The following OBSL1 variants were observed in gnomAD, a reference collection of about 807,000 sequenced individuals.
The protein encoded by OBSL1 is obscurin like cytoskeletal adaptor 1.
In OBSL1, 160 loss-of-function variants were observed where a neutral mutation model predicts 172.0. The ratio of observed to expected loss-of-function variants is 0.93; its 90% CI spans 0.82 to 1.06. OBSL1 has a LOEUF of 1.06. Ranked by LOEUF, OBSL1 falls within the 50% of genes least tolerant of loss-of-function variation. The pLI, the probability that OBSL1 is intolerant of heterozygous loss-of-function variation, is 0.00. For synonymous variants in OBSL1, 1,200 were observed against 1,196.3 expected, an observed-to-expected ratio of 1.00 and a Z score of -0.06; for missense variants, 2,681 against 2,715.4, an observed-to-expected ratio of 0.99 and a Z score of 0.28.
chr2:219,554,716 G>T lies in OBSL1; in HGVS notation c.4634C>A (p.Pro1545His). ...VRPRQLRVLR[P>H]LEDVTISEGG... ...CTCACTGATGGTCACGTCCTCCAGA[G>T]GCCGCAGCACCCTCAGCTGCCTCGC... Residue 1545 changes from proline to histidine, a missense_variant, in exon 15 of 21, where the codon CCT becomes CAT. Around this residue, in one of 5 missense-constraint regions of OBSL1, gnomAD observed 1,765 missense variants for 1,748.3 expected, o/e 1.01. Transcript: ENST00000404537. 1 of 1,565,400 alleles carries T rather than the reference G, an allele frequency of 6.4e-7. No homozygotes were observed. The highest frequency in any genetic ancestry group is 2.4e-5 in the East Asian group (1 of 41,970).
rs1559140960 is a variant in OBSL1, at chr2:219,558,194, G to A, written c.3492C>T (p.Val1164=). 10 of 1,606,762 alleles carry A rather than the reference G, an allele frequency of 6.2e-6. No individual in the cohort carries two copies. Among genetic ancestry groups the A allele is most frequent in the Non-Finnish European group, 8.5e-6 (10 of 1,174,348 alleles). ...GCCAGGAGCACCCACCAGCCAGGAT[G>A]ACATTGAAGGTGATGGCCTCATGCC... ...ETRHEAITFN[V]ILAEPPVQFL... Residue 1164 remains valine (V), a synonymous_variant, in exon 10 of 21, where the codon GTC becomes GTT. Transcript: ENST00000404537.
downstream of OBSL1, chr2:219,547,935 G>A (rs777938940): frequency 5.6e-6 from 9 of 1,594,452 alleles, no homozygotes; most frequent in Admixed American, 8.5e-5. Context: ...CTGCTGGGGC[G>A]CTACGTGGTG....
rs952808254 is a variant in OBSL1, at chr2:219,561,946, G to A, written c.2953+456C>T. On this transcript the variant is annotated intron_variant, in intron 8 of 20. Coordinates refer to ENST00000404537, the MANE Select transcript of OBSL1 (RefSeq NM_015311.3). Reference sequence around the variant, plus strand: ...CGGGACCAGAGCCGCCGGGTCTTCGGCTTTTTCAAGAGGACGCATAACTCC... The same window carrying A: ...CGGGACCAGAGCCGCCGGGTCTTCGACTTTTTCAAGAGGACGCATAACTCC... 10 of 717,548 alleles carry A rather than the reference G, an allele frequency of 1.4e-5. No homozygotes were observed. In the African/African-American group the frequency reaches 1.7e-4, roughly 13 times the overall value. The allele number at this position is 717,548 out of a possible 1,614,324, so 44.4% of individuals were successfully genotyped here. A position where few individuals can be genotyped will look rare whatever the true frequency, so the allele number is the denominator to read the frequency against.
Position 219,567,305 on chromosome 2 carries a change from G to A in OBSL1, c.1805C>T (p.Pro602Leu), listed in dbSNP as rs1366384275. ...ICTVSGHGRS[P>L]HVVFHGSAHL... The stretch of plus-strand genomic sequence containing the variant: ...AGCAGAACCGTGGAACACCACGTGG[G>A]GACTACGGCCATGTCCGCTGACTGT... The change falls in exon 4 of 21, where the codon CCC becomes CTC. Residue 602 changes from proline (P) to leucine (L), a missense_variant. Transcript: ENST00000404537. 13 of 1,602,670 alleles carry A rather than the reference G, an allele frequency of 8.1e-6. No homozygotes were observed. Among genetic ancestry groups the A allele is most frequent in the Non-Finnish European group, 1.1e-5 (13 of 1,171,234 alleles).
At chr2:219,566,755 C>A in intron 5 of OBSL1, 75 bp downstream of exon 5, 2 of 1,434,536 alleles carry the variant, frequency 1.4e-6, no homozygotes, top group Non-Finnish European at 1.9e-6. Context: ...ATAAAAACAG[C>A]ATCTGCCTCG....
intron 1 of OBSL1, among the ~76,000 whole-genome samples, chr2:219,569,629 C>T (rs923129608): frequency 6.6e-6 from 1 of 152,216 alleles, no homozygotes; most frequent in Non-Finnish European, 1.5e-5. Context: ...GACATTTGTC[C>T]TCCCTCAAGT....
intron 14 of OBSL1, among the ~76,000 whole-genome samples, chr2:219,554,962 G>A (rs1303544296): frequency 6.6e-6 from 1 of 152,156 alleles, no homozygotes. Context: ...CAGGAAGGGG[G>A]AGAAGTGTGG....
chr2:219,557,989 G>T lies in OBSL1; in HGVS notation c.3624C>A (p.His1208Gln). The change falls in exon 11 of 21, where the codon CAC becomes CAA. Residue 1208 changes from histidine (H) to glutamine (Q), a missense_variant. By Grantham distance (24) the His-to-Gln change is conservative. This residue lies in a region of OBSL1 where 1,765 missense variants were observed against 1,748.3 expected (regional missense o/e 1.01). Coordinates refer to ENST00000404537, the MANE Select transcript of OBSL1 (RefSeq NM_015311.3). The stretch of plus-strand genomic sequence containing the variant: ...CGCCCTCCTGCACGGGCCTCCCATT[G>T]TGGCTCCAGACCACGGGGGCGCCAG... ...SRAGAPVVWS[H>Q]NGRPVQEGEG... 1 of 1,611,650 alleles carries T rather than the reference G, an allele frequency of 6.2e-7. No individual in the cohort carries two copies.
intron 19 of OBSL1, 100 bp downstream of exon 19, chr2:219,552,012 A>C: frequency 8.3e-7 from 1 of 1,212,078 alleles, no homozygotes; most frequent in Non-Finnish European, 1.2e-6. Context: ...GGGGAAGGGA[A>C]GAGAGAGGCA....
At chr2:219,547,481 C>T (rs2105994110), downstream of OBSL1, 6 of 1,397,092 alleles carry the variant, frequency 4.3e-6, no homozygotes, top group Non-Finnish European at 5.6e-6. Flanking sequence ...ATCTTGGCCC[C>T]TCACTAGCCC....
Position 219,570,746 on chromosome 2 carries a change from T to A in OBSL1, c.487A>T (p.Lys163Ter). ...ACTTCGTCCAGGGCCATCCCGTCCT[T>A]CTCCCAGTACAGTGTGGGCTCGGGG... is the stretch of plus-strand genomic sequence containing the variant. The part of the protein sequence containing the change: ...GLPEPTLYWE[K>*]DGMALDEVWD... The change falls in exon 1 of 21, where the codon AAG becomes TAG. Residue 163 changes from lysine to a stop codon, truncating the protein, a stop_gained. Transcript: ENST00000404537. LOFTEE classifies it high-confidence loss of function. 6.6e-7 allele frequency: 1 copy of A among 1,510,448 alleles called. No homozygotes were observed. The highest frequency in any genetic ancestry group is 1.2e-5 in the South Asian group (1 of 81,038). 93.6% of individuals were successfully genotyped at this position (1,510,448 alleles called of 1,614,324 possible).
intron 6 of OBSL1, 104 bp from the exon 7 acceptor site, chr2:219,563,731 G>A: frequency 7.8e-7 from 1 of 1,274,168 alleles, no homozygotes; most frequent in African/African-American, 1.5e-5. Flanking sequence ...GGACACTGGA[G>A]GAGGGCTAAG....
At position 219,566,860 on chromosome 2, in the gene OBSL1, C is replaced by G; in HGVS notation, c.2104G>C (p.Val702Leu). Residue 702 changes from valine to leucine, a missense_variant, in exon 5 of 21, where the codon GTG becomes CTG. Transcript: ENST00000404537. Reference protein sequence around the residue: ...GALVGFSCPGVQDSAALTIQE... With the variant: ...GALVGFSCPGLQDSAALTIQE... Reference sequence around the variant, plus strand: ...ATTGTGAGGGCAGCTGAGTCCTGCACGCCGGGGCAGCTGAAGCCGACCAGG... The same window carrying G: ...ATTGTGAGGGCAGCTGAGTCCTGCAGGCCGGGGCAGCTGAAGCCGACCAGG... 1 of 1,597,242 alleles carries G rather than the reference C, an allele frequency of 6.3e-7. No individual in the cohort carries two copies. Among genetic ancestry groups the G allele is most frequent in the East Asian group, 2.2e-5 (1 of 44,462 alleles).
At chr2:219,555,382 C>T (rs1695923424) in intron 14 of OBSL1, 1 of 154,008 alleles carries the variant, frequency 6.5e-6, no homozygotes, top group Admixed American at 6.5e-5. Flanking sequence ...ACTATAGCCT[C>T]AACCTCCTGG....
At position 219,557,893 on chromosome 2, in the gene OBSL1, T is replaced by C. The variant is rs1034447724; in HGVS notation, c.3720A>G (p.Ala1240=). Residue 1240 remains alanine (A), a synonymous_variant, in exon 11 of 21, where the codon GCA becomes GCG. Transcript: ENST00000404537. ...LCIQAAGPAH[A]GLYTCQSGAA... is the part of the protein sequence containing the mutation. The stretch of plus-strand genomic sequence containing the variant: ...CTCCAGACTGGCAGGTGTAGAGCCC[T>C]GCATGGGCTGGGCCTGCAGCCTGGA... 2.5e-6 allele frequency: 4 copies of C among 1,601,758 alleles called. No individual in the cohort carries two copies. The Admixed American group carries it at 5.0e-5, about 20-fold the overall frequency.
Position 219,557,444 on chromosome 2 carries a change from GCC to G in OBSL1, c.3963_3964del (p.Ala1322GlnfsTer54). The G allele has an allele frequency of 6.5e-7, 1 of 1,548,424 alleles. No individual in the cohort carries two copies. The highest frequency in any genetic ancestry group is 8.7e-7 in the Non-Finnish European group (1 of 1,147,082). ...CCCCTGCACCCGCAGCACCTGCCTGGCCCCGGCCTGCTCCAGCTGCACCCGCC... is the reference window on the plus strand; with the variant it reads ...CCCCTGCACCCGCAGCACCTGCCTGGCCGGCCTGCTCCAGCTGCACCCGCC... On this transcript the variant is annotated frameshift_variant, in exon 12 of 21. Transcript: ENST00000404537. LOFTEE classifies it high-confidence loss of function.
At chr2:219,553,051 G>A in intron 16 of OBSL1, 27 bp from the exon 17 acceptor site, 1 of 1,458,308 alleles carries the variant, frequency 6.9e-7, no homozygotes, top group South Asian at 1.4e-5. Context: ...CAGAGGGTCG[G>A]GGCGAGCCCG....
chr2:219,563,355 C>T lies in OBSL1; in HGVS notation c.2680G>A (p.Asp894Asn). 2 of 1,562,442 alleles carry T rather than the reference C, an allele frequency of 1.3e-6. No homozygotes were observed. Among genetic ancestry groups the T allele is most frequent in the Non-Finnish European group, 1.7e-6 (2 of 1,149,516 alleles). ...CTCCGAGGCCCACCTGGCCCCCCACCTGTGATGGTGACAGTGAAGTAGGCA... is the reference window on the plus strand; with the variant it reads ...CTCCGAGGCCCACCTGGCCCCCCACTTGTGATGGTGACAGTGAAGTAGGCA... ...ECAYFTVTIT[D>N]VSSWIVYPSG... The change falls in exon 7 of 21, where the codon GAC (aspartate) becomes AAC (asparagine). Residue 894 changes from aspartate (D) to asparagine (N), a missense_variant and splice_region_variant. Physicochemically the swap from Asp to Asn is conservative, Grantham distance 23. Coordinates refer to ENST00000404537, the MANE Select transcript of OBSL1 (RefSeq NM_015311.3).
rs1559146888 is a variant in OBSL1 at position 219,562,683 on chromosome 2, C to T, written c.2681-9G>A. Reference sequence around the variant, plus strand: ...GATCCACGAGGAGACGTCTGGAGGACAGGGACAGCCACTGCCGGGCATGAG... The same window carrying T: ...GATCCACGAGGAGACGTCTGGAGGATAGGGACAGCCACTGCCGGGCATGAG... On this transcript the variant is annotated splice_polypyrimidine_tract_variant and intron_variant, in intron 7 of 20. Transcript: ENST00000404537. The T allele has an allele frequency of 2.0e-6, 3 of 1,535,116 alleles. No individual in the cohort carries two copies. In the African/African-American group the frequency reaches 4.1e-5, roughly 21 times the overall value.
Sources: allele counts gnomAD v4.1 joint callset (sites outside exome capture counted in the v4.1 genomes callset), GRCh38; gene constraint gnomAD v4.1.1; regional missense constraint gnomAD v4.1.1; transcripts MANE v1.5; gene names NCBI Gene and HGNC (gene_info 2026-07-23, HGNC 2026-07-21).